The following SLCO3A1 variants were observed in gnomAD, a reference collection of about 807,000 sequenced individuals.
SLCO3A1 encodes solute carrier organic anion transporter family member 3A1.
SLCO3A1 carries 27 observed loss-of-function variants against 63.1 expected under a neutral mutation model. The observed-to-expected ratio is 0.43, with a 90% confidence interval of 0.32 to 0.59. SLCO3A1 has a LOEUF of 0.59. Among genes scored for constraint, SLCO3A1 ranks in the 20% least tolerant of loss-of-function variants. The probability of loss-of-function intolerance (pLI) is 0.09; values close to 1 mark genes in which losing one functional copy is unlikely to be tolerated. For missense variants in SLCO3A1, 773 were observed against 945.8 expected (o/e 0.82, Z 2.40); for synonymous variants, 473 against 409.9 (o/e 1.15, Z -1.86).
intron 2 of SLCO3A1, among the ~76,000 whole-genome samples, chr15:92,040,088 G>A (rs910601631): frequency 2.0e-5 from 3 of 152,146 alleles, no homozygotes; most frequent in Non-Finnish European, 4.4e-5. Flanking sequence ...AGGACAAATA[G>A]TTAATGCATG....
At chr15:91,881,339 A>C in intron 1 of SLCO3A1, among the ~76,000 whole-genome samples, 1 of 151,914 alleles carries the variant, frequency 6.6e-6, no homozygotes, top group East Asian at 1.9e-4. Flanking sequence ...CATGTGACAG[A>C]ATTTAAACAC....
downstream of SLCO3A1, chr15:92,170,802 C>T (rs2048516975): frequency 1.3e-5 from 2 of 152,176 alleles, no homozygotes; most frequent in Non-Finnish European, 2.9e-5. Flanking sequence ...CTACTTCAAC[C>T]TTAGCCACAT....
At chr15:91,904,165 C>T (rs1322674545) in intron 1 of SLCO3A1, among the ~76,000 whole-genome samples, 1 of 152,170 alleles carries the variant, frequency 6.6e-6, no homozygotes, top group African/African-American at 2.4e-5. Context: ...CAGGAAGAGG[C>T]ACTGCTGTTA....
chr15:92,080,448 G>C (rs973267666), intron 2 of SLCO3A1, among the ~76,000 whole-genome samples: 1 of 151,760 alleles, frequency 6.6e-6, no homozygotes, highest in Non-Finnish European at 1.5e-5. Context: ...AAAGTCTCAG[G>C]TCACGTACTA....
chr15:91,869,720 A>G (rs1897246166), intron 1 of SLCO3A1, among the ~76,000 whole-genome samples: 1 of 151,856 alleles, frequency 6.6e-6, no homozygotes, highest in South Asian at 2.1e-4. Context: ...CAAAGAAAGG[A>G]TCATTTGGGA....
intron 2 of SLCO3A1, among the ~76,000 whole-genome samples, chr15:91,920,710 T>G (rs1011958222): frequency 6.6e-6 from 1 of 152,200 alleles, no homozygotes; most frequent in African/African-American, 2.4e-5. Flanking sequence ...GAGGTTTTTT[T>G]AAGTGTTGTG....
chr15:91,903,825 C>A (rs1356047106), intron 1 of SLCO3A1, among the ~76,000 whole-genome samples: 2 of 152,152 alleles, frequency 1.3e-5, no homozygotes, highest in Admixed American at 1.3e-4. Context: ...TGGGGACTTT[C>A]TTATGATTCT....
chr15:92,035,022 G>A (rs1032806103), intron 2 of SLCO3A1, among the ~76,000 whole-genome samples: 1 of 151,904 alleles, frequency 6.6e-6, no homozygotes, highest in African/African-American at 2.4e-5. Context: ...GCTTGTCCAA[G>A]GTCATAGTTA....
rs567173591 is a variant in SLCO3A1, at chr15:92,116,366, C to G, written c.1010-4099C>G. On this transcript the variant is annotated intron_variant, in intron 4 of 9. Coordinates refer to ENST00000318445, the MANE Select transcript of SLCO3A1 (RefSeq NM_013272.4). ...TAGAAAACCTGTTTTCCCTAGAGAC[C>G]GCTCTCCTGCCGCTCTTTCCACCTT... Among the ~76,000 whole-genome samples the G allele has an allele frequency of 5.9e-5, 9 of 152,318 alleles. No individual in the cohort carries two copies. In the East Asian group the frequency reaches 1.3e-3, roughly 23 times the overall value.
intron 2 of SLCO3A1, among the ~76,000 whole-genome samples, chr15:91,988,030 C>T (rs1161948600): frequency 6.6e-6 from 1 of 152,178 alleles, no homozygotes; most frequent in East Asian, 1.9e-4. Flanking sequence ...CATTCTTTGT[C>T]ACCTGACAGA....
intron 7 of SLCO3A1, among the ~76,000 whole-genome samples, chr15:92,141,124 A>C (rs2048126095): frequency 6.6e-6 from 1 of 152,136 alleles, no homozygotes; most frequent in Non-Finnish European, 1.5e-5. Flanking sequence ...GGTACATTTT[A>C]TTGACAGTAA....
intron 1 of SLCO3A1, among the ~76,000 whole-genome samples, chr15:91,867,177 G>C (rs12441717): frequency 0.34 from 51,879 of 152,186 alleles, 10,563 homozygotes; most frequent in African/African-American, 0.57. Context: ...CTCTGCCCCT[G>C]CTCCCCTGCT....
intron 2 of SLCO3A1, among the ~76,000 whole-genome samples, chr15:92,077,680 A>G (rs1248729950): frequency 6.6e-6 from 1 of 152,160 alleles, no homozygotes; most frequent in African/African-American, 2.4e-5. Context: ...TAGAGGCCCC[A>G]TGCCACTAAA....
chr15:92,127,115 A>G (rs907822812), intron 6 of SLCO3A1, among the ~76,000 whole-genome samples: 4 of 152,216 alleles, frequency 2.6e-5, no homozygotes, highest in African/African-American at 9.7e-5. Flanking sequence ...ATGTCTGTGT[A>G]CAATCCAGGC....
At chr15:92,101,570 G>A (rs938117019) in intron 3 of SLCO3A1, among the ~76,000 whole-genome samples, 5 of 152,048 alleles carry the variant, frequency 3.3e-5, no homozygotes, top group African/African-American at 7.3e-5. Flanking sequence ...TTTCTCAGAC[G>A]GGTCCAACCA....
intron 2 of SLCO3A1, among the ~76,000 whole-genome samples, chr15:92,067,909 C>A (rs1407025380): frequency 1.3e-5 from 2 of 152,162 alleles, no homozygotes; most frequent in Non-Finnish European, 2.9e-5. Flanking sequence ...GATTCATAGA[C>A]GGCCACCTTC....
chr15:91,921,628 T>A (rs1454953003), intron 2 of SLCO3A1, among the ~76,000 whole-genome samples: 1 of 152,178 alleles, frequency 6.6e-6, no homozygotes, highest in African/African-American at 2.4e-5. Flanking sequence ...TCCTTCTTCC[T>A]GTTTCCCCTG....
chr15:91,903,085 G>T (rs1488090610), intron 1 of SLCO3A1, among the ~76,000 whole-genome samples: 1 of 152,130 alleles, frequency 6.6e-6, no homozygotes, highest in Non-Finnish European at 1.5e-5. Context: ...TTTAAACCTT[G>T]CCCCACCATC....
At chr15:92,137,080 G>A (rs564282835) in intron 7 of SLCO3A1, among the ~76,000 whole-genome samples, 5 of 145,010 alleles carry the variant, frequency 3.4e-5, no homozygotes, top group Non-Finnish European at 7.4e-5. Context: ...CCACTAACTC[G>A]TCATCTAGCA....
Sources: gnomAD v4.1 joint callset for allele counts (sites outside exome capture counted in the v4.1 genomes callset) on GRCh38, gnomAD v4.1.1 for gene constraint, MANE v1.5 for transcripts, NCBI Gene and HGNC (gene_info 2026-07-23, HGNC 2026-07-21) for gene names.